The following HCN1 variants were observed in gnomAD, a reference collection of about 807,000 sequenced individuals.
HCN1 encodes hyperpolarization activated cyclic nucleotide gated potassium channel 1, also known as potassium/sodium hyperpolarization-activated cyclic nucleotide-gated channel 1.
A neutral mutation model predicts 78.9 loss-of-function variants in HCN1; 13 were observed. The ratio of observed to expected loss-of-function variants is 0.16; its 90% CI spans 0.11 to 0.26. HCN1 has a LOEUF of 0.26. Among genes scored for constraint, HCN1 ranks in the 10% least tolerant of loss-of-function variants. The pLI is 1.00. For synonymous variants in HCN1, 552 were observed against 455.5 expected, an observed-to-expected ratio of 1.21 and a Z score of -2.70; for missense variants, 810 against 1,154.3, an observed-to-expected ratio of 0.70 and a Z score of 4.32.
At chr5:45,532,136 T>C (rs1561191242) in intron 2 of HCN1, among the ~76,000 whole-genome samples, 2 of 152,226 alleles carry the variant, frequency 1.3e-5, no homozygotes, top group Admixed American at 6.5e-5. Context: ...TAACACTTTG[T>C]TCATATGATT....
intron 2 of HCN1, among the ~76,000 whole-genome samples, chr5:45,528,568 T>C (rs1561189878): frequency 6.6e-6 from 1 of 151,962 alleles, no homozygotes. Flanking sequence ...CAATATGGAA[T>C]TCAGATCTCA....
chr5:45,281,800 G>T (rs912280538), intron 6 of HCN1, among the ~76,000 whole-genome samples: 2 of 151,526 alleles, frequency 1.3e-5, no homozygotes, highest in South Asian at 2.1e-4. Flanking sequence ...CACCATATTT[G>T]CCAGGATGGT....
At position 45,519,341 on chromosome 5, in the gene HCN1, A is replaced by G. The variant is rs1183986887; in HGVS notation, c.850-57334T>C. On this transcript the variant is annotated intron_variant, in intron 2 of 7. Coordinates refer to ENST00000303230, the MANE Select transcript of HCN1 (RefSeq NM_021072.4). ...AAAACTGTGTTTATTGTTTACATTG[A>G]TAAGTATAGGATATACTCTAAATCA... Among the ~76,000 whole-genome samples the G allele has an allele frequency of 3.3e-5, 5 of 152,076 alleles. No homozygotes were observed. In the East Asian group the frequency reaches 7.7e-4, roughly 24 times the overall value.
At chr5:45,643,484 A>G (rs752225318) in intron 2 of HCN1, 3 of 152,124 alleles carry the variant, frequency 2.0e-5, no homozygotes, top group Non-Finnish European at 2.9e-5. Flanking sequence ...AAAGTTCCCT[A>G]TAATTCGTTA....
chr5:45,337,680 G>T (rs1265380850), intron 5 of HCN1, among the ~76,000 whole-genome samples: 3 of 152,054 alleles, frequency 2.0e-5, no homozygotes, highest in Non-Finnish European at 4.4e-5. Flanking sequence ...AACAGGGAAT[G>T]AACAAATAAA....
intron 2 of HCN1, among the ~76,000 whole-genome samples, chr5:45,610,082 A>T (rs1289121274): frequency 6.6e-6 from 1 of 152,150 alleles, no homozygotes; most frequent in Non-Finnish European, 1.5e-5. Flanking sequence ...AGGAACTGAG[A>T]GGATAAGGTT....
At chr5:45,295,911 T>C (rs955836629) in intron 6 of HCN1, among the ~76,000 whole-genome samples, 3 of 152,012 alleles carry the variant, frequency 2.0e-5, no homozygotes, top group Non-Finnish European at 4.4e-5. Flanking sequence ...TATGTATAGC[T>C]TATTAAATAA....
At chr5:45,371,292 A>C (rs1400187183) in intron 4 of HCN1, among the ~76,000 whole-genome samples, 1 of 152,074 alleles carries the variant, frequency 6.6e-6, no homozygotes, top group Non-Finnish European at 1.5e-5. Flanking sequence ...GAACTGAAGA[A>C]AACTGAAATA....
chr5:45,562,155 T>C (rs919284109), intron 2 of HCN1, among the ~76,000 whole-genome samples: 1 of 152,036 alleles, frequency 6.6e-6, no homozygotes, highest in South Asian at 2.1e-4. Flanking sequence ...GTTTTCTTGG[T>C]GGCCCTGTCC....
intron 3 of HCN1, among the ~76,000 whole-genome samples, chr5:45,447,994 C>T (rs755280146): frequency 1.5e-4 from 23 of 151,820 alleles, no homozygotes; most frequent in Non-Finnish European, 2.9e-4. Context: ...TTTTGATTCA[C>T]TGCTATATGT....
At chr5:45,641,599 T>C (rs1210896208) in intron 2 of HCN1, 1 of 152,194 alleles carries the variant, frequency 6.6e-6, no homozygotes, top group Non-Finnish European at 1.5e-5. Flanking sequence ...AAAGCCATAG[T>C]TATTATATAA....
chr5:45,661,474 T>C (rs1263169197), intron 1 of HCN1, among the ~76,000 whole-genome samples: 1 of 128,972 alleles, frequency 7.8e-6, no homozygotes, highest in African/African-American at 3.0e-5. Flanking sequence ...CTGAAGGAAA[T>C]AGAGACACAA....
At chr5:45,505,215 T>A (rs1038202026) in intron 2 of HCN1, among the ~76,000 whole-genome samples, 9 of 152,130 alleles carry the variant, frequency 5.9e-5, no homozygotes, top group Admixed American at 5.2e-4. Context: ...GGTTTTCTTC[T>A]AGGGTTTTTA....
At chr5:45,432,321 G>T (rs570975171) in intron 3 of HCN1, among the ~76,000 whole-genome samples, 3 of 152,122 alleles carry the variant, frequency 2.0e-5, no homozygotes, top group Non-Finnish European at 4.4e-5. Flanking sequence ...ATCAGATCAA[G>T]GAGCTTTTTG....
intron 1 of HCN1, among the ~76,000 whole-genome samples, chr5:45,667,744 T>C (rs922554196): frequency 3.9e-5 from 6 of 151,990 alleles, no homozygotes; most frequent in Admixed American, 3.3e-4. Flanking sequence ...TTAAGCTTTA[T>C]AGCTCTCTTG....
chr5:45,559,341 A>AGT (rs1743548408), intron 2 of HCN1: 1 of 152,198 alleles, frequency 6.6e-6, no homozygotes, highest in Non-Finnish European at 1.5e-5. Flanking sequence ...TGCCATAGAT[A>AGT]GTGATTCCTC....
chr5:45,357,173 T>C (rs551916079), intron 4 of HCN1, among the ~76,000 whole-genome samples: 3 of 152,212 alleles, frequency 2.0e-5, no homozygotes, highest in African/African-American at 4.8e-5. Flanking sequence ...GGTTTATTTA[T>C]TCATGTTGCT....
chr5:45,425,073 C>T (rs1740317923), intron 3 of HCN1, among the ~76,000 whole-genome samples: 1 of 152,124 alleles, frequency 6.6e-6, no homozygotes, highest in Admixed American at 6.5e-5. Context: ...GAATATAATG[C>T]CTGGCACACT....
At chr5:45,535,435 A>G (rs1050200100) in intron 2 of HCN1, among the ~76,000 whole-genome samples, 3 of 152,002 alleles carry the variant, frequency 2.0e-5, no homozygotes, top group African/African-American at 7.2e-5. Flanking sequence ...CCGTCTTTAC[A>G]AAAAATACAA....
Sources: allele counts gnomAD v4.1 joint callset (sites outside exome capture counted in the v4.1 genomes callset), GRCh38; gene constraint gnomAD v4.1.1; transcripts MANE v1.5; gene names NCBI Gene and HGNC (gene_info 2026-07-23, HGNC 2026-07-21).